NR6A1: variants seen among roughly 807,000 people sequenced by gnomAD.
NR6A1 encodes retinoic acid receptor-related testis-associated receptor.
In NR6A1, 7 loss-of-function variants were observed where a neutral mutation model predicts 59.1. The observed-to-expected ratio is 0.12, with a 90% confidence interval of 0.07 to 0.22. The LOEUF (loss-of-function observed/expected upper bound fraction) is 0.22, where lower values mean the gene tolerates loss of function less well. Among genes scored for constraint, NR6A1 ranks in the 10% least tolerant of loss-of-function variants. The probability of loss-of-function intolerance (pLI) is 1.00; values close to 1 mark genes in which losing one functional copy is unlikely to be tolerated. For missense variants in NR6A1, 468 were observed against 611.6 expected (o/e 0.77, Z 2.48); for synonymous variants, 243 against 236.1 (o/e 1.03, Z -0.27).
chr9:124,589,620 A>G (rs1206961651), intron 2 of NR6A1, among the ~76,000 whole-genome samples: 1 of 152,214 alleles, frequency 6.6e-6, no homozygotes, highest in Non-Finnish European at 1.5e-5. Flanking sequence ...ACTTGTGCAC[A>G]TTTTGAGATT....
At chr9:124,741,959 C>T (rs1840183953) in intron 1 of NR6A1, among the ~76,000 whole-genome samples, 1 of 152,158 alleles carries the variant, frequency 6.6e-6, no homozygotes, top group Non-Finnish European at 1.5e-5. Context: ...AGAGAGGAGA[C>T]AGGCATTCAC....
At chr9:124,741,724 C>G (rs1416769848) in intron 1 of NR6A1, among the ~76,000 whole-genome samples, 1 of 152,166 alleles carries the variant, frequency 6.6e-6, no homozygotes, top group Non-Finnish European at 1.5e-5. Flanking sequence ...GGAAGCAGTG[C>G]AGAGTAGAAA....
intron 2 of NR6A1, among the ~76,000 whole-genome samples, chr9:124,589,742 A>G (rs986438802): frequency 1.3e-5 from 2 of 152,192 alleles, no homozygotes; most frequent in Non-Finnish European, 2.9e-5. Context: ...CTGATACTTA[A>G]TAAGTTATCC....
chr9:124,540,317 C>T (rs1833407252), intron 4 of NR6A1, 130 bp from the exon 5 acceptor site: 3 of 988,916 alleles, frequency 3.0e-6, no homozygotes, highest in Non-Finnish European at 4.4e-6. Context: ...TCCCCATATT[C>T]CGGGCCTCTC....
chr9:124,615,243 G>C (rs1445279226), intron 2 of NR6A1, among the ~76,000 whole-genome samples: 2 of 152,106 alleles, frequency 1.3e-5, no homozygotes, highest in African/African-American at 4.8e-5. Context: ...AAGCAAAATG[G>C]GTAGGATGCT....
intron 3 of NR6A1, among the ~76,000 whole-genome samples, chr9:124,547,628 T>C (rs1188134631): frequency 1.3e-5 from 2 of 152,228 alleles, no homozygotes; most frequent in East Asian, 1.9e-4. Flanking sequence ...TTACATCATG[T>C]GCTCTTGATA....
intron 2 of NR6A1, among the ~76,000 whole-genome samples, chr9:124,660,731 T>C (rs1018749324): frequency 1.3e-5 from 2 of 150,050 alleles, no homozygotes; most frequent in African/African-American, 4.9e-5. Context: ...TCCAATGTCA[T>C]AAAAGCTCTA....
At position 124,723,234 on chromosome 9, in the gene NR6A1, T is replaced by G. The variant is rs1284661269; in HGVS notation, c.142+10074A>C. ...CTACAAACTTTTTCTTCAGTATGCT[T>G]TCTGTAAGACCTTGCTATTGACCAA... On this transcript the variant is annotated intron_variant, in intron 2 of 9. Coordinates refer to ENST00000487099, the MANE Select transcript of NR6A1 (RefSeq NM_033334.4). 2.0e-5 allele frequency among the ~76,000 whole-genome samples: 3 copies of G among 152,210 alleles called. No individual in the cohort carries two copies. The East Asian group carries it at 5.8e-4, about 29-fold the overall frequency.
Position 124,714,589 on chromosome 9 carries a change from A to C in NR6A1, c.142+18719T>G, listed in dbSNP as rs556303535. The stretch of plus-strand genomic sequence containing the variant: ...AAATAAATAAGTCATAAACATCAAA[A>C]AGGAAGAAGTAAACTCTCTTTATTC... On this transcript the variant is annotated intron_variant, in intron 2 of 9. Transcript: ENST00000487099. 4.6e-5 allele frequency among the ~76,000 whole-genome samples: 7 copies of C among 152,320 alleles called. No homozygotes were observed. The East Asian group carries it at 1.3e-3, about 29-fold the overall frequency.
At chr9:124,721,748 C>G (rs1364133767) in intron 2 of NR6A1, among the ~76,000 whole-genome samples, 1 of 152,156 alleles carries the variant, frequency 6.6e-6, no homozygotes, top group Non-Finnish European at 1.5e-5. Flanking sequence ...TTCTTTTACA[C>G]AAAAACCCTG....
At chr9:124,770,965 G>C in intron 1 of NR6A1, 55 bp downstream of exon 1, 3 of 993,688 alleles carry the variant, frequency 3.0e-6, no homozygotes, top group Non-Finnish European at 3.9e-6. Flanking sequence ...ATCCCTGGCG[G>C]AGGCTCAGGA....
At chr9:124,578,671 C>A (rs1019093223) in intron 2 of NR6A1, among the ~76,000 whole-genome samples, 17 of 152,178 alleles carry the variant, frequency 1.1e-4, no homozygotes, top group Non-Finnish European at 1.5e-5. Flanking sequence ...AGACTCCCTA[C>A]AATTCATTTT....
chr9:124,686,383 T>C (rs1838329980), intron 2 of NR6A1, among the ~76,000 whole-genome samples: 1 of 152,224 alleles, frequency 6.6e-6, no homozygotes, highest in African/African-American at 2.4e-5. Context: ...CGGCCAACAC[T>C]TTTCACACAC....
intron 1 of NR6A1, among the ~76,000 whole-genome samples, chr9:124,742,526 C>G (rs1036839250): frequency 2.0e-5 from 3 of 151,780 alleles, no homozygotes; most frequent in Non-Finnish European, 4.4e-5. Context: ...CACCACTGCA[C>G]TCCAGCCTGG....
intron 2 of NR6A1, among the ~76,000 whole-genome samples, chr9:124,676,495 TTTTCC>T (rs965387322): frequency 1.3e-5 from 2 of 152,138 alleles, no homozygotes; most frequent in African/African-American, 4.8e-5. Context: ...GAAATAAATA[TTTTCC>T]TTTCCTCCAG....
At chr9:124,755,727 T>A (rs1186016006) in intron 1 of NR6A1, among the ~76,000 whole-genome samples, 1 of 152,334 alleles carries the variant, frequency 6.6e-6, no homozygotes, top group South Asian at 2.1e-4. Context: ...GTGGCTCACA[T>A]ATAAAGCATT....
intron 2 of NR6A1, among the ~76,000 whole-genome samples, chr9:124,669,705 A>G (rs1331022784): frequency 6.6e-6 from 1 of 152,226 alleles, no homozygotes; most frequent in East Asian, 1.9e-4. Flanking sequence ...CCAAGTACCT[A>G]TAGTCAAGAG....
At chr9:124,579,071 C>T (rs778983956) in intron 2 of NR6A1, among the ~76,000 whole-genome samples, 8 of 152,170 alleles carry the variant, frequency 5.3e-5, no homozygotes, top group Non-Finnish European at 1.0e-4. Flanking sequence ...TGCTTGAGCC[C>T]AGGAGTTCAA....
chr9:124,618,414 C>T (rs914394220), intron 2 of NR6A1, among the ~76,000 whole-genome samples: 4 of 151,974 alleles, frequency 2.6e-5, no homozygotes, highest in Admixed American at 1.3e-4. Context: ...ACCCGGGAGG[C>T]GGAGGTTGCA....
Sources: allele counts gnomAD v4.1 joint callset (sites outside exome capture counted in the v4.1 genomes callset), GRCh38; gene constraint gnomAD v4.1.1; transcripts MANE v1.5; gene names NCBI Gene and HGNC (gene_info 2026-07-23, HGNC 2026-07-21).